Variants in MACF1 observed in about 807,000 individuals in gnomAD.
MACF1 encodes the protein microtubule actin crosslinking factor 1.
A neutral mutation model predicts 854.8 loss-of-function variants in MACF1; 193 were observed. The observed-to-expected ratio is 0.23, with a 90% CI of 0.20 to 0.25. MACF1 has a LOEUF of 0.25. Ranked by LOEUF, MACF1 falls within the 10% of genes least tolerant of loss-of-function variation. MACF1 has a pLI of 1.00. For missense variants in MACF1, 7,722 were observed against 8,929.1 expected, an observed-to-expected ratio of 0.86 and a Z score of 5.45; for synonymous variants, 3,185 against 3,226.7, an observed-to-expected ratio of 0.99 and a Z score of 0.44.
intron 2 of MACF1, among the ~76,000 whole-genome samples, chr1:39,100,057 A>G (rs1642030617): frequency 6.6e-6 from 1 of 152,168 alleles, no homozygotes; most frequent in Non-Finnish European, 1.5e-5. Context: ...CTCTACAAAT[A>G]GCACAAAAAT....
intron 58 of MACF1, among the ~76,000 whole-genome samples, chr1:39,422,116 A>T (rs1010031799): frequency 1.3e-5 from 2 of 152,238 alleles, no homozygotes; most frequent in African/African-American, 4.8e-5. Context: ...TTTTAAAAAA[A>T]AGAACAAAGG....
At chr1:39,298,174 A>G (rs1001189686) in intron 21 of MACF1, among the ~76,000 whole-genome samples, 2 of 151,710 alleles carry the variant, frequency 1.3e-5, no homozygotes, top group Admixed American at 6.6e-5. Context: ...AATACACCTG[A>G]GTCAAAATTT....
intron 64 of MACF1, 113 bp from the exon 65 acceptor site, chr1:39,429,714 C>CAG (rs146170592): frequency 3.9e-4 from 393 of 1,019,580 alleles, no homozygotes; most frequent in Non-Finnish European, 4.8e-4. Context: ...ATCATTACCA[C>CAG]AGAGAGAGAG....
In MACF1 at chr1:39,393,190, A is replaced by ATATATATATATAT. The variant is rs1427429683; in HGVS notation, c.15816+4532_15816+4533insTATATATATATAT. On this transcript the variant is annotated intron_variant, in intron 58 of 100. Transcript: ENST00000564288. ...ACCTTCCTGGGAAGGGTAAAAAAAAAAAAAAAATATATATATATATATATA... is the reference window on the plus strand; with the variant it reads ...ACCTTCCTGGGAAGGGTAAAAAAAAATATATATATATATAAAAAAATATATATATATATATATA... Among the ~76,000 whole-genome samples, 69 of 86,558 alleles carry ATATATATATATAT rather than the reference A, an allele frequency of 8.0e-4. 1 individual carries two copies. The highest frequency in any genetic ancestry group is 4.1e-3 in the African/African-American group (66 of 16,138). 56.8% of individuals were successfully genotyped at this position (86,558 alleles called of 152,430 possible). A position where few individuals can be genotyped will look rare whatever the true frequency, so the allele number is the denominator to read the frequency against.
rs186303555 is a variant in MACF1, at chr1:39,263,869, G to A, written c.528+5841G>A. On this transcript the variant is annotated intron_variant, in intron 6 of 100. Transcript: ENST00000564288. ...GCTCACTGCAAGCTCCACCTCCCAG[G>A]TTCATGCCATTCTTCTGCCTCAGCC... 4.3e-3 allele frequency among the ~76,000 whole-genome samples: 599 copies of A among 139,486 alleles called. 3 individuals carry two copies. Among genetic ancestry groups the A allele is most frequent in the African/African-American group, 0.015 (580 of 37,468 alleles). The allele number at this position is 139,486 out of a possible 152,430, so 91.5% of individuals were successfully genotyped here. A position where few individuals can be genotyped will look rare whatever the true frequency, so the allele number is the denominator to read the frequency against.
At chr1:39,241,618 C>T (rs1644923768) in intron 2 of MACF1, among the ~76,000 whole-genome samples, 1 of 143,670 alleles carries the variant, frequency 7.0e-6, no homozygotes, top group Non-Finnish European at 1.5e-5. Context: ...TGAGATCACA[C>T]CACTGCATTC....
At position 39,357,497 on chromosome 1, in the gene MACF1, G is replaced by C; in HGVS notation, c.11547G>C (p.Gln3849His). The C allele has an allele frequency of 6.2e-7, 1 of 1,614,196 alleles. No homozygotes were observed. The highest frequency in any genetic ancestry group is 8.5e-7 in the Non-Finnish European group (1 of 1,180,044). Residue 3849 changes from glutamine (Q) to histidine (H), a missense_variant, in exon 45 of 101, where the codon CAG (glutamine) becomes CAC (histidine). Around this residue, in one of 15 missense-constraint regions of MACF1, gnomAD observed 2,807 missense variants for 3,235.8 expected, o/e 0.87. Transcript: ENST00000564288. The part of the protein sequence containing the change: ...LTPEEQQMLQ[Q>H]KLGELKEQYS... ...CTGAGGAGCAACAGATGCTGCAACAGAAGCTGGGAGAGCTAAAGGAACAAT... is the reference window on the plus strand; with the variant it reads ...CTGAGGAGCAACAGATGCTGCAACACAAGCTGGGAGAGCTAAAGGAACAAT...
At chr1:39,102,699 C>T (rs759833149) in intron 2 of MACF1, 6 of 696,358 alleles carry the variant, frequency 8.6e-6, no homozygotes, top group Non-Finnish European at 1.6e-5. Context: ...TTCTCTTCCA[C>T]TAGATGCCCT....
chr1:39,441,930 G>T (rs551404489), intron 74 of MACF1, 22 bp from the exon 75 acceptor site: 1 of 1,584,372 alleles, frequency 6.3e-7, no homozygotes, highest in African/African-American at 1.3e-5. Context: ...GTTTTTGACT[G>T]TTTACTTGTC....
Position 39,243,835 on chromosome 1 carries a change from T to C in MACF1, c.172-6179T>C, listed in dbSNP as rs1386655682. On this transcript the variant is annotated intron_variant, in intron 2 of 100. Transcript: ENST00000564288. ...GATCTGGATTTGATCAGCCTGGCAA[T>C]TTAGTAGATGTGTGATTTTGGGGAT... Among the ~76,000 whole-genome samples, 3 of 152,288 alleles carry C rather than the reference T, an allele frequency of 2.0e-5. No homozygotes were observed. In the East Asian group the frequency reaches 5.8e-4, roughly 29 times the overall value.
chr1:39,303,697 CA>C (rs35773116), intron 23 of MACF1, among the ~76,000 whole-genome samples: 9,736 of 104,210 alleles, frequency 0.093, 722 homozygotes, highest in African/African-American at 0.25. Flanking sequence ...ACTAAAAATA[CA>C]AAAAAAAAAA....
chr1:39,211,180 CTGAACT>C (rs1644510930), intron 1 of MACF1, among the ~76,000 whole-genome samples: 1 of 152,044 alleles, frequency 6.6e-6, no homozygotes, highest in South Asian at 2.1e-4. Flanking sequence ...GTTGGCCAGG[CTGAACT>C]TGAACTCCTG....
At chr1:39,388,872 C>CTTTTTTT (rs548104092) in intron 58 of MACF1, among the ~76,000 whole-genome samples, 171 of 87,222 alleles carry the variant, frequency 2.0e-3, no homozygotes, top group African/African-American at 3.5e-3. Context: ...TCTTCTTCTT[C>CTTTTTTT]TTTTTTTTTT....
In MACF1 at chr1:39,458,340, ACT is replaced by A. The variant is rs769951741; in HGVS notation, c.21076-27_21076-26del. On this transcript the variant is annotated intron_variant, in intron 89 of 100. Transcript: ENST00000564288. ...CATAAGAGTAAAAATACAATATTTAACTCTTTTTCCTATTTTTTGTGTTTAAC... is the reference window on the plus strand; with the variant it reads ...CATAAGAGTAAAAATACAATATTTAACTTTTTCCTATTTTTTGTGTTTAAC... 2.5e-6 allele frequency: 4 copies of A among 1,608,830 alleles called. No homozygotes were observed. The African/African-American group carries it at 5.4e-5, about 22-fold the overall frequency.
intron 2 of MACF1, chr1:39,102,771 C>A (rs1341743055): frequency 1.4e-6 from 1 of 702,600 alleles, no homozygotes; most frequent in East Asian, 2.7e-5. Flanking sequence ...AGCAGTCTCA[C>A]CCATCAGGAG....
intron 2 of MACF1, among the ~76,000 whole-genome samples, chr1:39,114,255 A>G (rs1390423472): frequency 6.6e-6 from 1 of 151,758 alleles, no homozygotes. Context: ...TCAAAAATAT[A>G]AATCAGTTGG....
In MACF1 at chr1:39,283,914, T is replaced by C; in HGVS notation, c.916-152T>C. ...CCATCCTGAGAGCCCTTGAGGAGCT[T>C]TGAAGCTAGTACTGTGAGCATTAAA... On this transcript the variant is annotated intron_variant, in intron 9 of 100. Coordinates refer to ENST00000564288, the MANE Select transcript of MACF1 (RefSeq NM_001394062.1). The surrounding 1 kb of genome is among the most constrained non-coding windows in gnomAD (Gnocchi z 4.5). 1 of 806,486 alleles carries C rather than the reference T, an allele frequency of 1.2e-6. No homozygotes were observed. Among genetic ancestry groups the C allele is most frequent in the Non-Finnish European group, 2.0e-6 (1 of 510,632 alleles). The allele number at this position is 806,486 out of a possible 1,614,324, so 50.0% of individuals were successfully genotyped here.
At chr1:39,179,769 C>G (rs111533970) in intron 2 of MACF1, among the ~76,000 whole-genome samples, 4,667 of 152,156 alleles carry the variant, frequency 0.031, 114 homozygotes, top group Middle Eastern at 0.082. Flanking sequence ...AATCCCAGCC[C>G]TTTGGGAGGC....
intron 2 of MACF1, among the ~76,000 whole-genome samples, chr1:39,120,510 G>A (rs1642673098): frequency 6.6e-6 from 1 of 152,038 alleles, no homozygotes; most frequent in Non-Finnish European, 1.5e-5. Context: ...GATTACAGGT[G>A]TGCACCACCA....
Sources: allele counts gnomAD v4.1 joint callset (sites outside exome capture counted in the v4.1 genomes callset), GRCh38; gene constraint gnomAD v4.1.1; regional missense constraint gnomAD v4.1.1; non-coding constraint Gnocchi (gnomAD v3.1); transcripts MANE v1.5; gene names NCBI Gene and HGNC (gene_info 2026-07-23, HGNC 2026-07-21).